WDFY4: variants seen among roughly 807,000 people sequenced by gnomAD.
The protein encoded by WDFY4 is WDFY family member 4, also known as WD repeat- and FYVE domain-containing protein 4.
A neutral mutation model predicts 351.9 loss-of-function variants in WDFY4; 169 were observed. The ratio of observed to expected loss-of-function variants is 0.48; its 90% CI spans 0.42 to 0.55. WDFY4 has a LOEUF of 0.55. Among genes scored for constraint, WDFY4 ranks in the 20% least tolerant of loss-of-function variants. The pLI is 0.00. For synonymous variants in WDFY4, 1,622 were observed against 1,574.6 expected (o/e 1.03, Z -0.71); for missense variants, 3,803 against 3,935.6 (o/e 0.97, Z 0.90).
At chr10:48,796,188 TG>T in intron 23 of WDFY4, 109 bp from the exon 24 acceptor site, 1 of 1,260,818 alleles carries the variant, frequency 7.9e-7, no homozygotes, top group Non-Finnish European at 1.1e-6. Context: ...GAATGAAGGA[TG>T]GTAGCAGCAG....
chr10:48,872,866 A>G (rs1031295691), intron 40 of WDFY4, among the ~76,000 whole-genome samples: 1 of 152,232 alleles, frequency 6.6e-6, no homozygotes, highest in Non-Finnish European at 1.5e-5. Flanking sequence ...TGAATATTCT[A>G]GAATCTCTGA....
chr10:48,780,335 G>A (rs1030111812), intron 19 of WDFY4, among the ~76,000 whole-genome samples: 6 of 152,332 alleles, frequency 3.9e-5, no homozygotes, highest in Admixed American at 1.3e-4. Context: ...TGAAGGTCAC[G>A]CTACCAGGGC....
At chr10:48,866,813 G>T (rs1478110858) in intron 39 of WDFY4, among the ~76,000 whole-genome samples, 2 of 152,166 alleles carry the variant, frequency 1.3e-5, no homozygotes, top group Admixed American at 6.5e-5. Context: ...GTATTTATAT[G>T]AATCTCATTT....
At chr10:48,898,303 C>A (rs1363054946) in intron 45 of WDFY4, among the ~76,000 whole-genome samples, 1 of 152,184 alleles carries the variant, frequency 6.6e-6, no homozygotes, top group Non-Finnish European at 1.5e-5. Flanking sequence ...CCAGTGACAT[C>A]AAACACATGT....
chr10:48,855,821 T>C (rs1229122016), intron 39 of WDFY4, among the ~76,000 whole-genome samples: 1 of 152,092 alleles, frequency 6.6e-6, no homozygotes, highest in African/African-American at 2.4e-5. Context: ...AGAAATAACT[T>C]ATAAGTTTTA....
intron 60 of WDFY4, among the ~76,000 whole-genome samples, chr10:48,980,649 G>A (rs916687271): frequency 6.6e-6 from 1 of 152,152 alleles, no homozygotes; most frequent in African/African-American, 2.4e-5. Flanking sequence ...GCTTTGAGGT[G>A]GTTTCTCCCA....
At chr10:48,828,927 C>CGG (rs750491062) in intron 37 of WDFY4, 31 bp downstream of exon 37, 22 of 63,776 alleles carry the variant, frequency 3.4e-4, no homozygotes, top group African/African-American at 1.8e-3. Flanking sequence ...TGTGTGTGGG[C>CGG]GGGGGGGGGG....
intron 47 of WDFY4, among the ~76,000 whole-genome samples, chr10:48,918,883 C>T (rs1351669033): frequency 6.6e-6 from 1 of 152,192 alleles, no homozygotes; most frequent in Admixed American, 6.5e-5. Flanking sequence ...AATAATGTCT[C>T]TTGACATTGC....
Position 48,805,303 on chromosome 10 carries a change from A to G in WDFY4, c.4528A>G (p.Ile1510Val), listed in dbSNP as rs1355032314. ...NAEAAHQAQLIPKLIFLFNEP... is the reference protein window; with the variant it reads ...NAEAAHQAQLVPKLIFLFNEP... Reference sequence around the variant, plus strand: ...TGAAGCTGCCCACCAGGCACAGCTTATACCCAAGCTCATCTTCCTATTCAA... The same window carrying G: ...TGAAGCTGCCCACCAGGCACAGCTTGTACCCAAGCTCATCTTCCTATTCAA... The change falls in exon 26 of 62, where the codon ATA (isoleucine) becomes GTA (valine). Residue 1510 changes from isoleucine (I) to valine (V), a missense_variant. By Grantham distance (29) the Ile-to-Val change is conservative (BLOSUM62 3). Transcript: ENST00000325239. 6.5e-7 allele frequency: 1 copy of G among 1,547,500 alleles called. No homozygotes were observed. Among genetic ancestry groups the G allele is most frequent in the Non-Finnish European group, 8.7e-7 (1 of 1,146,976 alleles).
At position 48,704,559 on chromosome 10, in the gene WDFY4, AC is replaced by A. The variant is rs752531848; in HGVS notation, c.-17-5155del. On this transcript the variant is annotated intron_variant, in intron 1 of 61. Transcript: ENST00000325239. ...CCCCTAAAAGCCCACCTGTCCAAGA[AC>A]CTTTCCAGGGTAGCAAGTCTTCCCC... Among the ~76,000 whole-genome samples the A allele has an allele frequency of 3.3e-4, 50 of 152,084 alleles. 1 individual carries two copies. The highest frequency in any genetic ancestry group is 6.0e-4 in the Non-Finnish European group (41 of 68,010).
chr10:48,777,216 T>C (rs1163876207), intron 16 of WDFY4, among the ~76,000 whole-genome samples: 1 of 152,178 alleles, frequency 6.6e-6, no homozygotes, highest in African/African-American at 2.4e-5. Flanking sequence ...TGGAACACCC[T>C]CCCATCCTGC....
At chr10:48,707,649 T>A (rs2063666708) in intron 1 of WDFY4, among the ~76,000 whole-genome samples, 1 of 151,584 alleles carries the variant, frequency 6.6e-6, no homozygotes. Context: ...TAATGCTGGG[T>A]GAAAGAGTAA....
chr10:48,836,873 C>A lies in WDFY4; in HGVS notation c.6663+4164C>A, dbSNP rs1276782612. ...CCATCTGCCTGGAGAATCCAGACTG[C>A]ACAGGGTGGCCAGCTCCCCTCTTCA... On this transcript the variant is annotated intron_variant, in intron 39 of 61. Coordinates refer to ENST00000325239, the MANE Select transcript of WDFY4 (RefSeq NM_001394531.1). Among the ~76,000 whole-genome samples, 2 of 152,172 alleles carry A rather than the reference C, an allele frequency of 1.3e-5. 1 individual carries two copies.
chr10:48,863,620 T>C (rs1352167397), intron 39 of WDFY4, among the ~76,000 whole-genome samples: 1 of 152,208 alleles, frequency 6.6e-6, no homozygotes, highest in Non-Finnish European at 1.5e-5. Flanking sequence ...ACATGTAATT[T>C]ATAATTTTTT....
chr10:48,790,724 C>G lies in WDFY4; in HGVS notation c.4067-3C>G. The G allele has an allele frequency of 6.4e-7, 1 of 1,551,452 alleles. No individual in the cohort carries two copies. The highest frequency in any genetic ancestry group is 8.7e-7 in the Non-Finnish European group (1 of 1,146,800). Reference sequence around the variant, plus strand: ...GATGAAATGCCCACTTTATGCCACACAGGGGTGAGGGTATTCCACTCCAGC... The same window carrying G: ...GATGAAATGCCCACTTTATGCCACAGAGGGGTGAGGGTATTCCACTCCAGC... On this transcript the variant is annotated splice_region_variant and splice_polypyrimidine_tract_variant and intron_variant, in intron 22 of 61. Transcript: ENST00000325239.
At chr10:48,722,923 T>G (rs1004142035) in intron 4 of WDFY4, among the ~76,000 whole-genome samples, 4 of 152,150 alleles carry the variant, frequency 2.6e-5, no homozygotes, top group Non-Finnish European at 1.5e-5. Flanking sequence ...CCTATTGCAC[T>G]CTTTGGACCT....
chr10:48,799,906 A>T (rs11101497), intron 24 of WDFY4, among the ~76,000 whole-genome samples: 8,965 of 151,928 alleles, frequency 0.059, 601 homozygotes, highest in East Asian at 0.34. Flanking sequence ...TTTTTTTTTG[A>T]GACAGAGTCT....
chr10:48,900,249 A>G lies in WDFY4; in HGVS notation c.7466A>G (p.Asn2489Ser), dbSNP rs1837287269. 1.3e-6 allele frequency: 2 copies of G among 1,551,698 alleles called. No homozygotes were observed. Among genetic ancestry groups the G allele is most frequent in the Non-Finnish European group, 8.7e-7 (1 of 1,146,972 alleles). ...QDIALEIFFHNGYSKFLVFYN... is the reference protein window; with the variant it reads ...QDIALEIFFHSGYSKFLVFYN... The stretch of plus-strand genomic sequence containing the variant: ...ATCGCCCTGGAGATCTTCTTCCACA[A>G]TGGATATTCCAAGTTTCTTGTCTTC... Residue 2489 changes from asparagine (N) to serine (S), a missense_variant, in exon 46 of 62, where the codon AAT becomes AGT. Physicochemically the swap from Asn to Ser is conservative, Grantham distance 46. Coordinates refer to ENST00000325239, the MANE Select transcript of WDFY4 (RefSeq NM_001394531.1).
At chr10:48,796,129 C>T (rs1207398115) in intron 23 of WDFY4, among the ~76,000 whole-genome samples, 169 bp from the exon 24 acceptor site, 2 of 152,126 alleles carry the variant, frequency 1.3e-5, no homozygotes, top group African/African-American at 4.8e-5. Context: ...GGTCATAGCA[C>T]AGAAAAGTGG....
Sources: allele counts gnomAD v4.1 joint callset (sites outside exome capture counted in the v4.1 genomes callset), GRCh38; gene constraint gnomAD v4.1.1; transcripts MANE v1.5; gene names NCBI Gene and HGNC (gene_info 2026-07-23, HGNC 2026-07-21).